Variants in TOP2B observed in about 807,000 individuals in gnomAD.
TOP2B encodes DNA topoisomerase 2-beta.
Under a neutral mutation model 193.5 loss-of-function variants are expected in TOP2B, and 51 were observed. The observed-to-expected ratio is 0.26, with a 90% CI of 0.21 to 0.33. TOP2B has a LOEUF of 0.33. TOP2B is among the 10% of genes least tolerant of loss of function. TOP2B has a pLI of 1.00. For synonymous variants in TOP2B, 634 were observed against 635.7 expected (o/e 1.00, Z 0.04); for missense variants, 1,378 against 1,909.3 (o/e 0.72, Z 5.19).
intron 1 of TOP2B, among the ~76,000 whole-genome samples, chr3:25,661,641 AT>A (rs1703916565): frequency 6.6e-6 from 1 of 152,164 alleles, no homozygotes; most frequent in Non-Finnish European, 1.5e-5. Context: ...CCATGTTTAT[AT>A]TTTTCACTTT....
Position 25,664,306 on chromosome 3 carries a change from C to A in TOP2B, c.-9G>T, listed in dbSNP as rs368409004. ...CCACCCGACTTGGCCATGGCGAGTGCCTCCAGCTCACAGGCCCTGAGGCCG... is the reference window on the plus strand; with the variant it reads ...CCACCCGACTTGGCCATGGCGAGTGACTCCAGCTCACAGGCCCTGAGGCCG... On this transcript the variant is annotated 5_prime_UTR_variant, in exon 1 of 36. Transcript: ENST00000264331. The A allele has an allele frequency of 8.1e-4, 1,232 of 1,526,402 alleles. 1 individual carries two copies. Among genetic ancestry groups the A allele is most frequent in the Non-Finnish European group, 9.9e-4 (1,126 of 1,142,376 alleles). The allele number at this position is 1,526,402 out of a possible 1,614,324, so 94.6% of individuals were successfully genotyped here.
chr3:25,630,986 C>T (rs757942795), intron 10 of TOP2B, 47 bp from the exon 11 acceptor site: 2 of 1,516,932 alleles, frequency 1.3e-6, no homozygotes, highest in Admixed American at 2.3e-5. Flanking sequence ...AAAATTCATA[C>T]ATTTAGCTAA....
intron 4 of TOP2B, among the ~76,000 whole-genome samples, chr3:25,639,334 A>T (rs965952897): frequency 1.3e-5 from 2 of 152,184 alleles, no homozygotes; most frequent in African/African-American, 4.8e-5. Flanking sequence ...TTTGAGATAG[A>T]GTCTCGCTCT....
rs1702109223 is a variant in TOP2B, at chr3:25,602,087, C to T, written c.4490-862G>A. Among the ~76,000 whole-genome samples the T allele has an allele frequency of 2.0e-5, 3 of 152,068 alleles. No homozygotes were observed. In the South Asian group the frequency reaches 6.2e-4, roughly 32 times the overall value. ...AGACCTTGTTTTACAGCTTTATCTG[C>T]AGTTCTATGTGAAAACTGATAAATA... is the stretch of plus-strand genomic sequence containing the variant. On this transcript the variant is annotated intron_variant, in intron 33 of 35. Transcript: ENST00000264331.
At chr3:25,650,806 T>TTG (rs931760978) in intron 1 of TOP2B, among the ~76,000 whole-genome samples, 85 of 152,328 alleles carry the variant, frequency 5.6e-4, no homozygotes, top group African/African-American at 1.9e-3. Context: ...AGTTATCCAT[T>TTG]TGTAAACTGC....
At chr3:25,629,496 T>G in intron 13 of TOP2B, among the ~76,000 whole-genome samples, 1 of 152,102 alleles carries the variant, frequency 6.6e-6, no homozygotes, top group Admixed American at 6.6e-5. Flanking sequence ...ATACAGATAT[T>G]CACAAGTCTT....
chr3:25,664,724 C>G lies in TOP2B; in HGVS notation c.-427G>C. 1.0e-6 allele frequency: 1 copy of G among 987,222 alleles called. No individual in the cohort carries two copies. The highest frequency in any genetic ancestry group is 1.2e-6 in the Non-Finnish European group (1 of 830,182). 61.2% of individuals were successfully genotyped at this position (987,222 alleles called of 1,614,324 possible). ...GGTGCCTTGTCCTTCTCACACTCCG[C>G]GAAGGCCAGCCACTCGAGTCGCCAG... On this transcript the variant is annotated 5_prime_UTR_variant, in exon 1 of 36. Transcript: ENST00000264331.
intron 33 of TOP2B, among the ~76,000 whole-genome samples, chr3:25,604,537 G>A (rs1330769080): frequency 6.6e-6 from 1 of 152,140 alleles, no homozygotes; most frequent in African/African-American, 2.4e-5. Flanking sequence ...AGATAGTAAT[G>A]CACGGGATTA....
intron 1 of TOP2B, among the ~76,000 whole-genome samples, chr3:25,660,687 A>G (rs1485045503): frequency 6.6e-6 from 1 of 152,242 alleles, no homozygotes; most frequent in Admixed American, 6.5e-5. Context: ...AGTTTATGAA[A>G]GTCTGGCTCA....
At position 25,645,344 on chromosome 3, in the gene TOP2B, G is replaced by A. The variant is rs1187094677; in HGVS notation, c.196C>T (p.Leu66Phe). Residue 66 changes from leucine to phenylalanine, a missense_variant, in exon 2 of 36, where the codon CTT becomes TTT. Leu to Phe is a conservative substitution (Grantham distance 22). This residue lies in a region of TOP2B where 35 missense variants were observed against 85.8 expected (regional missense o/e 0.41). Coordinates refer to ENST00000264331, the MANE Select transcript of TOP2B (RefSeq NM_001330700.2). ...QKKTQLEHIL[L>F]RPDTYIGSVE... ...GACCCAATATATGTATCAGGACGAA[G>A]AAGAATGTGTTCAAGTTGTGTCTTC... is the stretch of plus-strand genomic sequence containing the variant. 1 of 1,612,424 alleles carries A rather than the reference G, an allele frequency of 6.2e-7. No individual in the cohort carries two copies. Among genetic ancestry groups the A allele is most frequent in the South Asian group, 1.1e-5 (1 of 90,690 alleles).
chr3:25,645,438 T>C lies in TOP2B; in HGVS notation c.102A>G (p.Lys34=), dbSNP rs772611515. The change falls in exon 2 of 36, where the codon AAA becomes AAG. Residue 34 remains lysine (K), a synonymous_variant. Transcript: ENST00000264331. ...TLFDQNNAAK[K]EESETANKND... is the part of the protein sequence containing the mutation. The stretch of plus-strand genomic sequence containing the variant: ...TTTTGTTGGCAGTTTCTGACTCTTC[T>C]TTTTTTGCAGCATTGTTCTGATCAA... The C allele has an allele frequency of 6.2e-7, 1 of 1,612,876 alleles. No homozygotes were observed. Among genetic ancestry groups the C allele is most frequent in the Admixed American group, 1.7e-5 (1 of 59,846 alleles).
In TOP2B at chr3:25,645,461, C is replaced by T. The variant is rs1559506961; in HGVS notation, c.79G>A (p.Asp27Asn). The T allele has an allele frequency of 5.6e-6, 9 of 1,602,314 alleles. No homozygotes were observed. The highest frequency in any genetic ancestry group is 1.3e-5 in the African/African-American group (1 of 74,282). Residue 27 changes from aspartate to asparagine, a missense_variant, in exon 2 of 36, where the codon GAT becomes AAT. Asp to Asn is a conservative substitution (Grantham distance 23). Around this residue, in one of 9 missense-constraint regions of TOP2B, gnomAD observed 83 missense variants for 59.3 expected, o/e 1.40. Transcript: ENST00000264331. ...NGALTWVTLFDQNNAAKKEES... is the reference protein window; with the variant it reads ...NGALTWVTLFNQNNAAKKEES... Reference sequence around the variant, plus strand: ...TCTTTTTTTGCAGCATTGTTCTGATCAAAAAGAGTCTAAAATTAACCAAAA... The same window carrying T: ...TCTTTTTTTGCAGCATTGTTCTGATTAAAAAGAGTCTAAAATTAACCAAAA...
At chr3:25,658,268 C>T (rs1703812428) in intron 1 of TOP2B, among the ~76,000 whole-genome samples, 1 of 150,946 alleles carries the variant, frequency 6.6e-6, no homozygotes, top group African/African-American at 2.4e-5. Context: ...TATTATTTAC[C>T]AAAAGCATTT....
intron 32 of TOP2B, among the ~76,000 whole-genome samples, chr3:25,605,637 ATC>A (rs1702218420): frequency 6.6e-6 from 1 of 152,128 alleles, no homozygotes; most frequent in African/African-American, 2.4e-5. Context: ...GACGGTTTTA[ATC>A]TCTCAGGTAA....
chr3:25,632,835 G>A (rs1474103313), intron 8 of TOP2B, 41 bp from the exon 9 acceptor site: 1 of 1,517,604 alleles, frequency 6.6e-7, no homozygotes, highest in Non-Finnish European at 9.1e-7. Flanking sequence ...ATCCTGTATT[G>A]TTAAAGTAGC....
chr3:25,624,314 A>G lies in TOP2B; in HGVS notation c.2478T>C (p.Tyr826=), dbSNP rs756028082. 40 of 1,613,812 alleles carry G rather than the reference A, an allele frequency of 2.5e-5. No individual in the cohort carries two copies. The highest frequency in any genetic ancestry group is 3.1e-5 in the Non-Finnish European group (36 of 1,179,844). ...HGGKDAASPR[Y]IFTMLSTLAR... is the part of the protein sequence containing the mutation. ...ATATTTACCTTAACATTGTGAAAAT[A>G]TAACGAGGGCTTGCAGCATCTTTGC... The change falls in exon 20 of 36, where the codon TAT becomes TAC. Residue 826 remains tyrosine, a synonymous_variant. Transcript: ENST00000264331.
At chr3:25,617,975 T>G (rs1257537475) in intron 25 of TOP2B, among the ~76,000 whole-genome samples, 2 of 152,176 alleles carry the variant, frequency 1.3e-5, no homozygotes, top group African/African-American at 4.8e-5. Context: ...TAATTAACAT[T>G]TTGTCTCTTG....
At chr3:25,663,644 G>A (rs1703985906) in intron 1 of TOP2B, among the ~76,000 whole-genome samples, 2 of 152,154 alleles carry the variant, frequency 1.3e-5, no homozygotes, top group South Asian at 4.1e-4. Context: ...CCCTGACAGA[G>A]GGACGACCTA....
At chr3:25,659,994 C>T (rs941054911) in intron 1 of TOP2B, among the ~76,000 whole-genome samples, 5 of 152,154 alleles carry the variant, frequency 3.3e-5, no homozygotes, top group African/African-American at 4.8e-5. Context: ...GGGTTCTATA[C>T]GTGTTAATAC....
Sources: gnomAD v4.1 joint callset for allele counts (sites outside exome capture counted in the v4.1 genomes callset) on GRCh38, gnomAD v4.1.1 for gene constraint, gnomAD v4.1.1 regional missense constraint, MANE v1.5 for transcripts, NCBI Gene and HGNC (gene_info 2026-07-23, HGNC 2026-07-21) for gene names.